The following LRRC69 variants were observed in gnomAD, a reference collection of about 807,000 sequenced individuals.
The protein encoded by LRRC69 is leucine rich repeat containing 69, also known as leucine-rich repeat-containing protein 69.
In LRRC69, 42 loss-of-function variants were observed where a neutral mutation model predicts 37.8. That is an observed-to-expected ratio of 1.11 (90% confidence interval 0.87 to 1.44). The LOEUF (loss-of-function observed/expected upper bound fraction) is 1.44. LRRC69 is among the 40% of genes most tolerant of loss of function. LRRC69 has a pLI of 0.00. For synonymous variants in LRRC69, 141 were observed against 143.1 expected, an observed-to-expected ratio of 0.99 and a Z score of 0.11; for missense variants, 357 against 401.9, an observed-to-expected ratio of 0.89 and a Z score of 0.96.
At chr8:91,144,190 C>T (rs1172935843) in intron 5 of LRRC69, among the ~76,000 whole-genome samples, 2 of 151,950 alleles carry the variant, frequency 1.3e-5, no homozygotes, top group Non-Finnish European at 2.9e-5. Context: ...TTTGGGGTGT[C>T]TCTGAAGGCT....
rs183690151 is a variant in LRRC69, at chr8:91,200,812, C to T, written c.933+20C>T. ...CCAAAGGTAAATGATGCTTTTTATGCGAATATGAGCATAATACTGATTCCT... is the reference window on the plus strand; with the variant it reads ...CCAAAGGTAAATGATGCTTTTTATGTGAATATGAGCATAATACTGATTCCT... On this transcript the variant is annotated intron_variant, in intron 7 of 7. Transcript: ENST00000448384. 100 of 1,515,088 alleles carry T rather than the reference C, an allele frequency of 6.6e-5. 1 individual carries two copies. The highest frequency in any genetic ancestry group is 6.4e-4 in the Admixed American group (27 of 42,516). The allele number at this position is 1,515,088 out of a possible 1,614,324, so 93.9% of individuals were successfully genotyped here.
intron 5 of LRRC69, among the ~76,000 whole-genome samples, chr8:91,189,034 A>T (rs1452245122): frequency 6.6e-6 from 1 of 152,158 alleles, no homozygotes; most frequent in Non-Finnish European, 1.5e-5. Flanking sequence ...CTAATAAGTT[A>T]TAATGTGAAC....
chr8:91,163,850 T>C (rs1808986183), intron 5 of LRRC69, among the ~76,000 whole-genome samples: 1 of 151,442 alleles, frequency 6.6e-6, no homozygotes, highest in African/African-American at 2.4e-5. Flanking sequence ...TCTAATTTTA[T>C]TGGCCACACT....
chr8:91,172,677 G>T (rs189950949), intron 5 of LRRC69, among the ~76,000 whole-genome samples: 1 of 151,716 alleles, frequency 6.6e-6, no homozygotes. Context: ...CACCACACTC[G>T]GCTAATTTTG....
chr8:91,114,455 G>GTGTA (rs142337818), intron 1 of LRRC69, among the ~76,000 whole-genome samples: 1 of 150,970 alleles, frequency 6.6e-6, no homozygotes, highest in African/African-American at 2.4e-5. Context: ...GTGTGTGTGT[G>GTGTA]TATATATATA....
chr8:91,176,980 A>G (rs1266916387), intron 5 of LRRC69, among the ~76,000 whole-genome samples: 1 of 151,952 alleles, frequency 6.6e-6, no homozygotes, highest in Non-Finnish European at 1.5e-5. Flanking sequence ...ATATTATTAT[A>G]TGTTCTGTTT....
chr8:91,133,614 A>G (rs1359982717), intron 4 of LRRC69, among the ~76,000 whole-genome samples: 2 of 151,972 alleles, frequency 1.3e-5, no homozygotes, highest in Non-Finnish European at 2.9e-5. Flanking sequence ...AGACTAAAAA[A>G]CCTATTTATT....
At chr8:91,132,139 CTT>C (rs142429588) in intron 3 of LRRC69, among the ~76,000 whole-genome samples, 1,970 of 152,018 alleles carry the variant, frequency 0.013, 40 homozygotes, top group African/African-American at 0.045. Flanking sequence ...TCTTACATTA[CTT>C]CAATCTTAAC....
intron 5 of LRRC69, among the ~76,000 whole-genome samples, chr8:91,172,368 C>G (rs1207823521): frequency 6.6e-6 from 1 of 152,010 alleles, no homozygotes; most frequent in Non-Finnish European, 1.5e-5. Flanking sequence ...TATGAGTCAA[C>G]ATTTCCAAGT....
At chr8:91,106,592 T>G (rs192247980) in intron 1 of LRRC69, among the ~76,000 whole-genome samples, 1 of 152,134 alleles carries the variant, frequency 6.6e-6, no homozygotes, top group Non-Finnish European at 1.5e-5. Context: ...GTTAAATCAT[T>G]TGTCAAAGGT....
intron 5 of LRRC69, among the ~76,000 whole-genome samples, chr8:91,149,027 G>C (rs78038858): frequency 6.8e-6 from 1 of 147,256 alleles, no homozygotes; most frequent in Admixed American, 6.8e-5. Context: ...CTCCCATTTT[G>C]TAGGTTGCCT....
chr8:91,111,426 C>T (rs182632942), intron 1 of LRRC69, among the ~76,000 whole-genome samples: 6 of 151,898 alleles, frequency 4.0e-5, no homozygotes, highest in Admixed American at 2.6e-4. Context: ...CCCAGCTACT[C>T]GGGAGGCTGA....
chr8:91,191,041 A>ACCCC (rs58095353), intron 6 of LRRC69, among the ~76,000 whole-genome samples: 20 of 114,456 alleles, frequency 1.7e-4, no homozygotes, highest in African/African-American at 6.2e-4. Flanking sequence ...CCTGTCTCAA[A>ACCCC]CCCCCCCCCC....
chr8:91,133,554 G>C (rs1187298003), intron 4 of LRRC69, among the ~76,000 whole-genome samples: 1 of 152,090 alleles, frequency 6.6e-6, no homozygotes, highest in African/African-American at 2.4e-5. Flanking sequence ...TTCCAGATAA[G>C]CAATGATTAA....
chr8:91,158,390 G>C, intron 5 of LRRC69: 1 of 1,404,922 alleles, frequency 7.1e-7, no homozygotes, highest in South Asian at 1.2e-5. Context: ...AACAAACTCT[G>C]ATCACCCCAA....
intron 5 of LRRC69, among the ~76,000 whole-genome samples, chr8:91,162,192 G>A (rs907900794): frequency 2.0e-5 from 3 of 151,462 alleles, no homozygotes; most frequent in African/African-American, 7.3e-5. Flanking sequence ...CCTGGAGAAT[G>A]TTCCATGTGC....
At chr8:91,138,679 T>C (rs1300714012) in intron 5 of LRRC69, 1 of 151,952 alleles carries the variant, frequency 6.6e-6, no homozygotes, top group Non-Finnish European at 1.5e-5. Flanking sequence ...AAATATTTGT[T>C]CATATGTGTT....
intron 7 of LRRC69, among the ~76,000 whole-genome samples, chr8:91,216,163 C>G (rs562683299): frequency 2.6e-5 from 4 of 152,028 alleles, no homozygotes; most frequent in African/African-American, 9.7e-5. Context: ...AAACTAACAA[C>G]GGGCATTTAA....
intron 1 of LRRC69, among the ~76,000 whole-genome samples, chr8:91,109,937 G>T (rs563635450): frequency 1.3e-5 from 2 of 152,028 alleles, no homozygotes; most frequent in African/African-American, 4.8e-5. Flanking sequence ...TTAAACAGCG[G>T]TTTTAAGGAT....
Sources: gnomAD v4.1 joint callset for allele counts (sites outside exome capture counted in the v4.1 genomes callset) on GRCh38, gnomAD v4.1.1 for gene constraint, MANE v1.5 for transcripts, NCBI Gene and HGNC (gene_info 2026-07-23, HGNC 2026-07-21) for gene names.